The following TSPAN1 variants were observed in gnomAD, a reference collection of about 807,000 sequenced individuals.
TSPAN1 encodes the protein tetraspanin 1.
A neutral mutation model predicts 26.9 loss-of-function variants in TSPAN1; 23 were observed. The ratio of observed to expected loss-of-function variants is 0.85; its 90% CI spans 0.62 to 1.21. TSPAN1 has a LOEUF of 1.21. TSPAN1 is among the 50% of genes most tolerant of loss of function. The pLI is 0.00. For synonymous variants in TSPAN1, 115 were observed against 114.8 expected (o/e 1.00, Z -0.01); for missense variants, 283 against 298.4 (o/e 0.95, Z 0.38).
chr1:46,178,911 A>G (rs935779302), intron 1 of TSPAN1, among the ~76,000 whole-genome samples: 3 of 152,186 alleles, frequency 2.0e-5, no homozygotes, highest in Non-Finnish European at 4.4e-5. Context: ...AAAAGCCTTA[A>G]TATATGCAAG....
chr1:46,188,691 G>A (rs752471855), downstream of TSPAN1: 2 of 1,595,338 alleles, frequency 1.3e-6, no homozygotes, highest in Non-Finnish European at 1.7e-6. Context: ...TCCCCAGAGG[G>A]CTTCTCCTTT....
chr1:46,190,500 T>C, downstream of TSPAN1: 2 of 1,607,044 alleles, frequency 1.2e-6, no homozygotes, highest in Non-Finnish European at 1.7e-6. Context: ...TTCCACTTCA[T>C]AAGCTTCTTT....
At chr1:46,178,186 GTC>G (rs1209517926) in intron 1 of TSPAN1, among the ~76,000 whole-genome samples, 1 of 152,016 alleles carries the variant, frequency 6.6e-6, no homozygotes, top group Non-Finnish European at 1.5e-5. Context: ...GTGAAACCCT[GTC>G]TCTACTAAAA....
chr1:46,194,274 T>G, the TSPAN1 span: 29 of 1,614,060 alleles, frequency 1.8e-5, no homozygotes, highest in South Asian at 2.7e-4. Context: ...CCCCACTCAC[T>G]GGGTCAGGGC....
the TSPAN1 span, chr1:46,191,689 C>T: frequency 3.1e-6 from 1 of 319,080 alleles, no homozygotes; most frequent in Non-Finnish European, 6.1e-6. Flanking sequence ...GGCTGGAGTG[C>T]AGTGGCGTGA....
At chr1:46,184,052 C>CTGTTGGCAGTGGGCATCTGGGTGT in intron 3 of TSPAN1, 139 bp from the exon 4 acceptor site, 1 of 870,146 alleles carries the variant, frequency 1.1e-6, no homozygotes, top group Non-Finnish European at 1.8e-6. Context: ...AGGATGTTTC[C>CTGTTGGCAGTGGGCATCTGGGTGT]CTCCTTACAG....
intron 3 of TSPAN1, chr1:46,183,374 C>T (rs10890384): frequency 0.14 from 21,692 of 152,302 alleles, 1,632 homozygotes; most frequent in Admixed American, 0.2. Context: ...CCTCACTTCC[C>T]GTTCTAGCCT....
At chr1:46,175,657 T>C (rs117863102) in intron 1 of TSPAN1, 8 of 399,594 alleles carry the variant, frequency 2.0e-5, no homozygotes, top group Non-Finnish European at 3.5e-5. Flanking sequence ...AGGGAAGAGT[T>C]TGAGGAAGGA....
chr1:46,195,010 AC>A, the TSPAN1 span: 1 of 1,562,166 alleles, frequency 6.4e-7, no homozygotes, highest in East Asian at 2.2e-5. Context: ...GTTCCAGGAG[AC>A]CTGGCCTCAC....
the TSPAN1 span, chr1:46,194,875 C>A: frequency 1.2e-6 from 2 of 1,614,048 alleles, no homozygotes; most frequent in African/African-American, 2.7e-5. Flanking sequence ...CCCATGTGTC[C>A]CTCCAGCCCA....
At position 46,185,851 on chromosome 1, in the gene TSPAN1, G is replaced by C; in HGVS notation, c.*318G>C. 2.4e-6 allele frequency: 1 copy of C among 422,270 alleles called. No homozygotes were observed. Among genetic ancestry groups the C allele is most frequent in the African/African-American group, 2.0e-5 (1 of 50,130 alleles). The allele number at this position is 422,270 out of a possible 1,614,324, so 26.2% of individuals were successfully genotyped here. A position where few individuals can be genotyped will look rare whatever the true frequency, so the allele number is the denominator to read the frequency against. ...CTAGTGGTGATCCCAGTGCTCTACT[G>C]GGGGATGAGAGAAAGGCATTTTATA... On this transcript the variant is annotated 3_prime_UTR_variant, in exon 9 of 9. Transcript: ENST00000372003.
At chr1:46,183,264 T>G (rs1657353307) in intron 3 of TSPAN1, among the ~76,000 whole-genome samples, 1 of 152,338 alleles carries the variant, frequency 6.6e-6, no homozygotes, top group South Asian at 2.1e-4. Context: ...CAAAGCAGGA[T>G]AGGGCAGACC....
chr1:46,185,648 A>C lies in TSPAN1; in HGVS notation c.*115A>C. ...ATCTAACAATGTCACTTGGGCCAGA[A>C]TGGACCTGCCCTTTCTGCTCCAGAC... On this transcript the variant is annotated 3_prime_UTR_variant, in exon 9 of 9. Coordinates refer to ENST00000372003, the MANE Select transcript of TSPAN1 (RefSeq NM_005727.4). 1 of 1,217,946 alleles carries C rather than the reference A, an allele frequency of 8.2e-7. No homozygotes were observed. The highest frequency in any genetic ancestry group is 1.2e-6 in the Non-Finnish European group (1 of 843,596). 75.4% of individuals were successfully genotyped at this position (1,217,946 alleles called of 1,614,324 possible). A position where few individuals can be genotyped will look rare whatever the true frequency, so the allele number is the denominator to read the frequency against.
downstream of TSPAN1, among the ~76,000 whole-genome samples, chr1:46,186,665 T>G (rs924326347): frequency 5.6e-4 from 29 of 51,702 alleles, no homozygotes; most frequent in Non-Finnish European, 1.2e-3. Flanking sequence ...AATTTTTGTG[T>G]TTTTTTTTTT....
the TSPAN1 span, chr1:46,194,743 G>A: frequency 6.8e-6 from 11 of 1,613,698 alleles, no homozygotes; most frequent in Admixed American, 1.0e-4. Flanking sequence ...CCAACCCACT[G>A]CCACTGGCTC....
In TSPAN1 at chr1:46,185,334, G is replaced by C. The variant is rs1477291800; in HGVS notation, c.678+26G>C. On this transcript the variant is annotated intron_variant, in intron 8 of 8. Transcript: ENST00000372003. The stretch of plus-strand genomic sequence containing the variant: ...GTAAGCAGATGAGGAGGCTGGGACT[G>C]GGACATGGGCATGAGACCAGGGCTG... 5.0e-6 allele frequency: 8 copies of C among 1,613,328 alleles called. No individual in the cohort carries two copies. In the African/African-American group the frequency reaches 5.3e-5, roughly 11 times the overall value.
intron 8 of TSPAN1, 75 bp downstream of exon 8, chr1:46,185,383 G>A: frequency 6.2e-7 from 1 of 1,607,096 alleles, no homozygotes; most frequent in Admixed American, 1.7e-5. Context: ...AGGCCTCTCT[G>A]GAGGAAACAG....
At chr1:46,188,795 G>A, downstream of TSPAN1, 1 of 1,612,898 alleles carries the variant, frequency 6.2e-7, no homozygotes, top group Non-Finnish European at 8.5e-7. Context: ...CTCTGAGTGA[G>A]TCTGTGTCAG....
At chr1:46,183,935 G>T in intron 3 of TSPAN1, 1 of 547,926 alleles carries the variant, frequency 1.8e-6, no homozygotes, top group Non-Finnish European at 3.3e-6. Context: ...TTGCCCCTCT[G>T]CCCACCCTGA....
Sources: allele counts gnomAD v4.1 joint callset (sites outside exome capture counted in the v4.1 genomes callset), GRCh38; gene constraint gnomAD v4.1.1; transcripts MANE v1.5; gene names NCBI Gene and HGNC (gene_info 2026-07-23, HGNC 2026-07-21).